MYH16: variants seen among roughly 807,000 people sequenced by gnomAD.
The protein encoded by MYH16 is putative uncharacterized protein MYH16.
rs114468620 is a variant in MYH16 at position 99,271,567 on chromosome 7, G to T, written n.2403+474G>T. Among the ~76,000 whole-genome samples the T allele has an allele frequency of 3.8e-3, 575 of 152,314 alleles. 4 individuals are homozygous for T. The highest frequency in any genetic ancestry group is 0.013 in the African/African-American group (544 of 41,574). The stretch of plus-strand genomic sequence containing the variant: ...TGCCGCAACCAAGTTCACACACTGG[G>T]TGGCTTCAAACAACAGGAATTTTTA... On this transcript the variant is annotated intron_variant and non_coding_transcript_variant, in intron 19 of 41. Coordinates refer to ENST00000439784, the Ensembl canonical transcript of MYH16.
intron 1 of MYH16, chr7:99,243,268 A>AC (rs1226198409): frequency 2.6e-5 from 4 of 152,032 alleles, no homozygotes; most frequent in Non-Finnish European, 2.9e-5. Context: ...CTGTGTCTTG[A>AC]CCCCCCCAGA....
At chr7:99,262,268 T>C (rs1791945929) in intron 13 of MYH16, among the ~76,000 whole-genome samples, 1 of 152,214 alleles carries the variant, frequency 6.6e-6, no homozygotes, top group South Asian at 2.1e-4. Context: ...TTGCTGAGCC[T>C]CTGTGGGTTT....
chr7:99,305,655 A>C (rs1792668164), intron 40 of MYH16, 181 bp from the exon 22 acceptor site: 1 of 152,984 alleles, frequency 6.5e-6, no homozygotes, highest in African/African-American at 2.4e-5. Context: ...TCTGAAGCTC[A>C]AAACCACATG....
At chr7:99,250,637 G>C (rs1380825913) in intron 5 of MYH16, among the ~76,000 whole-genome samples, 1 of 152,164 alleles carries the variant, frequency 6.6e-6, no homozygotes, top group Non-Finnish European at 1.5e-5. Context: ...AGCTACTCAG[G>C]GGGCTGAAGT....
intron 19 of MYH16, among the ~76,000 whole-genome samples, chr7:99,272,109 G>T (rs1436153709): frequency 6.6e-6 from 1 of 152,168 alleles, no homozygotes; most frequent in East Asian, 1.9e-4. Flanking sequence ...TCCCAAACAA[G>T]GTTCCCTTCC....
downstream of MYH16, among the ~76,000 whole-genome samples, chr7:99,309,242 G>A (rs990623243): frequency 2.0e-5 from 3 of 152,148 alleles, no homozygotes; most frequent in Admixed American, 6.5e-5. Flanking sequence ...CGACCTCCGT[G>A]GCTTCTGGGA....
exon 26 of MYH16, chr7:99,284,932 C>T: frequency 2.2e-6 from 1 of 456,662 alleles, no homozygotes; most frequent in Non-Finnish European, 4.4e-6. Context: ...TGAAGGAGCA[C>T]CAGGTATGTC....
intron 3 of MYH16, among the ~76,000 whole-genome samples, chr7:99,248,512 C>T (rs1437355850): frequency 1.3e-5 from 2 of 152,210 alleles, no homozygotes; most frequent in African/African-American, 4.8e-5. Context: ...CCTCCTGCTT[C>T]AGCTTCCTGA....
chr7:99,275,994 C>T (rs1258592313), intron 20 of MYH16, among the ~76,000 whole-genome samples: 2 of 152,238 alleles, frequency 1.3e-5, no homozygotes, highest in African/African-American at 4.8e-5. Context: ...TCCCAAAGTG[C>T]TGGGATTACA....
At chr7:99,285,870 G>A (rs1029751755) in intron 27 of MYH16, among the ~76,000 whole-genome samples, 8 of 152,360 alleles carry the variant, frequency 5.3e-5, no homozygotes, top group African/African-American at 1.7e-4. Context: ...CCTACAGGAC[G>A]TGAGCCCAGA....
chr7:99,260,108 G>A (rs1791923584), intron 11 of MYH16: 2 of 1,465,472 alleles, frequency 1.4e-6, no homozygotes, highest in Non-Finnish European at 1.9e-6. Flanking sequence ...TCAATCCTGG[G>A]AGAGGCTCTC....
downstream of MYH16, among the ~76,000 whole-genome samples, chr7:99,308,658 G>C (rs993855110): frequency 6.6e-6 from 1 of 152,204 alleles, no homozygotes; most frequent in Non-Finnish European, 1.5e-5. Flanking sequence ...CAGCAGCTCT[G>C]GGGGTGGGCC....
At chr7:99,299,099 T>C (rs1412926980) in intron 36 of MYH16, among the ~76,000 whole-genome samples, 2 of 143,590 alleles carry the variant, frequency 1.4e-5, no homozygotes, top group Non-Finnish European at 3.0e-5. Flanking sequence ...AAAAAAAAAA[T>C]AGCTGGGTGT....
At chr7:99,300,824 AACAG>A (rs1269615816) in intron 37 of MYH16, among the ~76,000 whole-genome samples, 1 of 152,026 alleles carries the variant, frequency 6.6e-6, no homozygotes, top group African/African-American at 2.4e-5. Flanking sequence ...GAGTGGACAA[AACAG>A]ACAAACATCC....
intron 11 of MYH16, among the ~76,000 whole-genome samples, chr7:99,259,849 G>GTA (rs143467965): frequency 0.14 from 19,935 of 144,878 alleles, 2,422 homozygotes; most frequent in African/African-American, 0.33. Flanking sequence ...GTATGTATGT[G>GTA]TATATATATA....
At chr7:99,264,772 C>A (rs1473029684) in intron 15 of MYH16, among the ~76,000 whole-genome samples, 2 of 152,128 alleles carry the variant, frequency 1.3e-5, no homozygotes, top group African/African-American at 4.8e-5. Context: ...TAACAGTGGA[C>A]AGGGCTTTGC....
chr7:99,262,486 A>G (rs190453728), intron 13 of MYH16, among the ~76,000 whole-genome samples: 27 of 152,380 alleles, frequency 1.8e-4, no homozygotes, highest in African/African-American at 6.3e-4. Flanking sequence ...AACTGAGAAG[A>G]GTTCCTTATT....
At position 99,293,039 on chromosome 7, in the gene MYH16, GGT is replaced by G. The variant is rs763139437; in HGVS notation, n.4149+534_4149+535del. Among the ~76,000 whole-genome samples, 43 of 152,094 alleles carry G rather than the reference GGT, an allele frequency of 2.8e-4. 1 individual carries two copies. Among genetic ancestry groups the G allele is most frequent in the Admixed American group, 2.2e-3 (33 of 15,258 alleles). On this transcript the variant is annotated intron_variant and non_coding_transcript_variant, in intron 32 of 41. Coordinates refer to ENST00000439784, the Ensembl canonical transcript of MYH16. Reference sequence around the variant, plus strand: ...TGAAAGTGGCTCTGGGCCTCTCTCTGGTGTAAAAGGAGGCTGGCCTGGGTGTC... The same window carrying G: ...TGAAAGTGGCTCTGGGCCTCTCTCTGGTAAAAGGAGGCTGGCCTGGGTGTC...
chr7:99,251,392 C>T (rs944947108), intron 6 of MYH16, among the ~76,000 whole-genome samples: 6 of 152,162 alleles, frequency 3.9e-5, no homozygotes, highest in Admixed American at 2.6e-4. Flanking sequence ...CAAATAATCC[C>T]TCGTGGAATT....
Sources: allele counts gnomAD v4.1 joint callset (sites outside exome capture counted in the v4.1 genomes callset), GRCh38; gene constraint gnomAD v4.1.1; transcripts MANE v1.5; gene names NCBI Gene and HGNC (gene_info 2026-07-23, HGNC 2026-07-21).